CANX: variants seen among roughly 807,000 people sequenced by gnomAD.
CANX encodes the protein epididymis secretory sperm binding protein.
CANX carries 14 observed loss-of-function variants against 75.7 expected under a neutral mutation model. The ratio of observed to expected loss-of-function variants is 0.19; its 90% CI spans 0.12 to 0.29. The LOEUF is 0.29. Among genes scored for constraint, CANX ranks in the 10% least tolerant of loss-of-function variants. The pLI, the probability that CANX is intolerant of heterozygous loss-of-function variation, is 1.00. For missense variants in CANX, 567 were observed against 713.2 expected (o/e 0.79, Z 2.34); for synonymous variants, 227 against 236.9 (o/e 0.96, Z 0.38).
chr5:179,723,436 G>T, intron 11 of CANX: 1 of 485,986 alleles, frequency 2.1e-6, no homozygotes. Flanking sequence ...TGCAGGTGAT[G>T]TAGAAGCCAG....
At chr5:179,720,330 G>C in intron 9 of CANX, 74 bp from the exon 10 acceptor site, 2 of 1,191,798 alleles carry the variant, frequency 1.7e-6, no homozygotes, top group Non-Finnish European at 2.4e-6. Flanking sequence ...GATCTTGGCA[G>C]CCCTGGGCCA....
intron 1 of CANX, among the ~76,000 whole-genome samples, chr5:179,702,459 A>C (rs1776839237): frequency 6.7e-6 from 1 of 150,302 alleles, no homozygotes; most frequent in Non-Finnish European, 1.5e-5. Flanking sequence ...CTGTTTGTGA[A>C]TTGCTTATTT....
At position 179,684,924 on chromosome 5, in the gene CANX, G is replaced by GTTTTTTTTT. The variant is rs781629512; in HGVS notation, c.-4+6148_-4+6149insTTTTTTTTT. Among the ~76,000 whole-genome samples the GTTTTTTTTT allele has an allele frequency of 1.2e-3, 34 of 28,988 alleles. 2 individuals are homozygous for GTTTTTTTTT. The highest frequency in any genetic ancestry group is 2.8e-3 in the South Asian group (2 of 712). The allele number at this position is 28,988 out of a possible 152,430, so 19.0% of individuals were successfully genotyped here. ...TGTGCCACCACACCTGGCTAATTTT[G>GTTTTTTTTT]TATTTTTTTTTTTTTTTTTTTTTTT... On this transcript the variant is annotated intron_variant, in intron 1 of 14. Coordinates refer to the CANX transcript ENST00000681674.
chr5:179,714,924 C>A (rs1470485819), intron 7 of CANX, among the ~76,000 whole-genome samples: 1 of 151,944 alleles, frequency 6.6e-6, no homozygotes, highest in African/African-American at 2.4e-5. Context: ...ACCAACATGC[C>A]CACCTAGTTT....
chr5:179,702,539 T>C (rs953976649), intron 1 of CANX, among the ~76,000 whole-genome samples: 3 of 152,318 alleles, frequency 2.0e-5, no homozygotes, highest in Non-Finnish European at 2.9e-5. Flanking sequence ...CTTTTTGAGA[T>C]TGAATAGTAT....
At chr5:179,716,564 C>T (rs547562006) in intron 8 of CANX, among the ~76,000 whole-genome samples, 14 of 152,168 alleles carry the variant, frequency 9.2e-5, no homozygotes, top group Admixed American at 6.5e-5. Flanking sequence ...AATCTCAGGT[C>T]CTTTAACCTG....
intron 1 of CANX, among the ~76,000 whole-genome samples, chr5:179,693,227 A>G (rs921912409): frequency 1.3e-5 from 2 of 152,024 alleles, no homozygotes; most frequent in Admixed American, 6.6e-5. Context: ...AGGAAAAAAA[A>G]TATATATGGT....
intron 10 of CANX, among the ~76,000 whole-genome samples, chr5:179,720,814 C>T (rs977020145): frequency 4.6e-5 from 7 of 151,920 alleles, no homozygotes; most frequent in African/African-American, 1.7e-4. Flanking sequence ...GATGGAGTTT[C>T]GCTCTTCTAC....
At chr5:179,711,785 CAAAA>C (rs71001042) in intron 7 of CANX, among the ~76,000 whole-genome samples, 4 of 105,254 alleles carry the variant, frequency 3.8e-5, no homozygotes, top group Admixed American at 1.0e-4. Context: ...GACTCTGTCT[CAAAA>C]AAAAAAAAAA....
chr5:179,710,707 C>CAAAAAAAAAAAAAAAAAG (rs71591440), intron 7 of CANX, among the ~76,000 whole-genome samples: 1 of 27,380 alleles, frequency 3.7e-5, no homozygotes, highest in African/African-American at 8.6e-5. Context: ...GACTCCATCT[C>CAAAAAAAAAAAAAAAAAG]AAAAAAAAAA....
chr5:179,710,591 G>A lies in CANX; in HGVS notation c.721+526G>A, dbSNP rs537236102. Among the ~76,000 whole-genome samples the A allele has an allele frequency of 3.6e-4, 54 of 148,624 alleles. No individual in the cohort carries two copies. In the South Asian group the frequency reaches 9.2e-3, roughly 25 times the overall value. On this transcript the variant is annotated intron_variant, in intron 7 of 14. Coordinates refer to ENST00000247461, the MANE Select transcript of CANX (RefSeq NM_001746.4). ...GGCGTGGTGGTGGGCACCTGTAGTC[G>A]CAGCTACTTGGGAGGCTGAGGCAGG...
Position 179,708,307 on chromosome 5 carries a change from C to T in CANX, c.373C>T (p.Arg125Trp), listed in dbSNP as rs1329319100. 7 of 1,613,270 alleles carry T rather than the reference C, an allele frequency of 4.3e-6. No homozygotes were observed. Among genetic ancestry groups the T allele is most frequent in the South Asian group, 1.1e-5 (1 of 91,072 alleles). Reference protein sequence around the residue: ...PGDKGLVLMSRAKHHAISAKL... With the variant: ...PGDKGLVLMSWAKHHAISAKL... ...TGATAAAGGACTTGTGTTGATGTCT[C>T]GGGCCAAGCATCATGCCATCTCTGC... The change falls in exon 5 of 15, where the codon CGG becomes TGG. Residue 125 changes from arginine (R) to tryptophan (W), a missense_variant. Coordinates refer to ENST00000247461, the MANE Select transcript of CANX (RefSeq NM_001746.4).
intron 7 of CANX, among the ~76,000 whole-genome samples, chr5:179,713,049 G>T (rs974657935): frequency 1.3e-5 from 2 of 151,814 alleles, no homozygotes; most frequent in Non-Finnish European, 2.9e-5. Context: ...GATTACAGGT[G>T]TGAGTCACTG....
intron 1 of CANX, chr5:179,678,812 G>A: frequency 6.5e-7 from 1 of 1,537,030 alleles, no homozygotes. Context: ...TTGGCTTTTG[G>A]ACCGCTGCAC....
At chr5:179,698,354 C>T, upstream of CANX, 4 of 1,128,120 alleles carry the variant, frequency 3.5e-6, no homozygotes, top group Non-Finnish European at 4.5e-6. Context: ...CGAGGCTGCG[C>T]AGGCTCCTGG....
upstream of CANX, among the ~76,000 whole-genome samples, chr5:179,695,010 A>C (rs572666598): frequency 1.1e-4 from 16 of 152,266 alleles, no homozygotes; most frequent in African/African-American, 3.6e-4. Flanking sequence ...ACAAAAGCTA[A>C]AGCTAAAATT....
At position 179,730,204 on chromosome 5, in the gene CANX, ACACTC is replaced by A. The variant is rs1400194429; in HGVS notation, c.*1564_*1568del. The A allele has an allele frequency of 1.3e-5, 2 of 152,556 alleles. No individual in the cohort carries two copies. Among genetic ancestry groups the A allele is most frequent in the African/African-American group, 4.8e-5 (2 of 41,400 alleles). The allele number at this position is 152,556 out of a possible 1,614,324, so 9.5% of individuals were successfully genotyped here. On this transcript the variant is annotated 3_prime_UTR_variant, in exon 15 of 15. Transcript: ENST00000247461. ...ACTGTTTCTTGCACTGAATATATAA[ACACTC>A]CACAGTGTTTATATTGGGAAGATAT...
At chr5:179,698,577 C>T, upstream of CANX, 1 of 1,289,352 alleles carries the variant, frequency 7.8e-7, no homozygotes, top group Non-Finnish European at 1.0e-6. Flanking sequence ...CGATGCGTCC[C>T]AAGTCTCGGC....
intron 8 of CANX, 99 bp from the exon 9 acceptor site, chr5:179,719,569 T>C (rs1410241189): frequency 1.8e-6 from 1 of 563,272 alleles, no homozygotes; most frequent in African/African-American, 1.9e-5. Context: ...AATTTTGAGA[T>C]TAAAAACAAA....
Sources: gnomAD v4.1 joint callset for allele counts (sites outside exome capture counted in the v4.1 genomes callset) on GRCh38, gnomAD v4.1.1 for gene constraint, MANE v1.5 for transcripts, NCBI Gene and HGNC (gene_info 2026-07-23, HGNC 2026-07-21) for gene names.